Variants in ZNF611 observed in about 807,000 individuals in gnomAD.
The protein encoded by ZNF611 is zinc finger protein 611.
In ZNF611, 6 loss-of-function variants were observed where a neutral mutation model predicts 8.9. The ratio of observed to expected loss-of-function variants is 0.68; its 90% confidence interval spans 0.37 to 1.34. The LOEUF is 1.34. Among genes scored for constraint, ZNF611 ranks in the 40% most tolerant of loss-of-function variants. The pLI, the probability that ZNF611 is intolerant of heterozygous loss-of-function variation, is 0.02. For missense variants in ZNF611, 874 were observed against 841.3 expected (o/e 1.04, Z -0.48); for synonymous variants, 262 against 279.7 (o/e 0.94, Z 0.63).
intron 4 of ZNF611, among the ~76,000 whole-genome samples, chr19:52,714,351 G>A (rs376405526): frequency 3.9e-5 from 6 of 152,038 alleles, no homozygotes; most frequent in East Asian, 1.9e-4. Context: ...AGTCACTACG[G>A]AAATCTCGAT....
chr19:52,713,051 T>G (rs1339329990), intron 5 of ZNF611, among the ~76,000 whole-genome samples: 1 of 151,842 alleles, frequency 6.6e-6, no homozygotes, highest in Non-Finnish European at 1.5e-5. Flanking sequence ...CAAAAATTAG[T>G]CGGGTGTGGT....
chr19:52,704,968 T>C lies in ZNF611; in HGVS notation c.2087A>G (p.His696Arg), dbSNP rs756574217. The C allele has an allele frequency of 5.0e-6, 8 of 1,614,184 alleles. No individual in the cohort carries two copies. Among genetic ancestry groups the C allele is most frequent in the Admixed American group, 1.7e-5 (1 of 60,022 alleles). The stretch of plus-strand genomic sequence containing the variant: ...TTTCTCTCCAGTATGAATTCTATGA[T>C]GACGTGAAAGGTGTGATTGTTGATT... The part of the protein sequence containing the change: ...AFNQQSHLSR[H>R]HRIHTGEKP Residue 696 changes from histidine to arginine, a missense_variant, in exon 6 of 6, where the codon CAT (histidine) becomes CGT (arginine). His to Arg is a conservative substitution (Grantham distance 29). Coordinates refer to ENST00000652185, the MANE Select transcript of ZNF611 (RefSeq NM_001161499.2).
In ZNF611 at chr19:52,712,495, C is replaced by T. The variant is rs150195124; in HGVS notation, c.190+1520G>A. 3.9e-4 allele frequency among the ~76,000 whole-genome samples: 54 copies of T among 139,814 alleles called. No individual in the cohort carries two copies. In the East Asian group the frequency reaches 8.0e-3, roughly 21 times the overall value. 91.7% of individuals were successfully genotyped at this position (139,814 alleles called of 152,430 possible). A position where few individuals can be genotyped will look rare whatever the true frequency, so the allele number is the denominator to read the frequency against. ...AAAAAAAAAAAAAAAAAACATTGGC[C>T]GGGCATGGTGATGCACATCTATGAC... is the stretch of plus-strand genomic sequence containing the variant. On this transcript the variant is annotated intron_variant, in intron 5 of 5. Transcript: ENST00000652185.
At position 52,704,593 on chromosome 19, in the gene ZNF611, T is replaced by G; in HGVS notation, c.*344A>C. The G allele has an allele frequency of 6.4e-7, 1 of 1,570,264 alleles. No homozygotes were observed. The highest frequency in any genetic ancestry group is 8.7e-7 in the Non-Finnish European group (1 of 1,143,354). On this transcript the variant is annotated 3_prime_UTR_variant, in exon 6 of 6. Transcript: ENST00000652185. ...ACGATCTCTGAAAAATTTGCCACAT[T>G]TATTACACTTGTAAGATCTCTCTTC...
chr19:52,713,904 C>A, intron 5 of ZNF611, 111 bp downstream of exon 5: 1 of 1,558,462 alleles, frequency 6.4e-7, no homozygotes, highest in Non-Finnish European at 8.6e-7. Context: ...AAACAAAAAA[C>A]AAAAAACAAA....
intron 5 of ZNF611, 37 bp downstream of exon 5, chr19:52,713,978 A>G (rs1314468797): frequency 1.2e-6 from 2 of 1,612,394 alleles, no homozygotes; most frequent in Admixed American, 1.7e-5. Context: ...GATAGACAAG[A>G]GCAGACTCCT....
intron 1 of ZNF611, among the ~76,000 whole-genome samples, chr19:52,734,621 G>C (rs969066408): frequency 1.3e-5 from 2 of 152,022 alleles, no homozygotes; most frequent in African/African-American, 4.8e-5. Context: ...GCCTCCCCGG[G>C]ACTGGGGCTG....
At position 52,714,131 on chromosome 19, in the gene ZNF611, G is replaced by C. The variant is rs2062299255; in HGVS notation, c.74C>G (p.Thr25Ser). Residue 25 changes from threonine to serine, a missense_variant, in exon 5 of 6, where the codon ACT (threonine) becomes AGT (serine). Transcript: ENST00000652185. ...PGMALPQGRL[T>S]FRDVAIEFSL... is the part of the protein sequence containing the mutation. ...GAATTCTATAGCCACATCCCGGAAAGTCAAGCGTCCCTAAAATGAAACACA... is the reference window on the plus strand; with the variant it reads ...GAATTCTATAGCCACATCCCGGAAACTCAAGCGTCCCTAAAATGAAACACA... 1.2e-6 allele frequency: 2 copies of C among 1,613,302 alleles called. No individual in the cohort carries two copies. Among genetic ancestry groups the C allele is most frequent in the African/African-American group, 2.7e-5 (2 of 74,972 alleles).
intron 5 of ZNF611, among the ~76,000 whole-genome samples, chr19:52,713,601 A>C (rs545367603): frequency 8.4e-4 from 127 of 151,984 alleles, no homozygotes; most frequent in Non-Finnish European, 1.2e-3. Flanking sequence ...CTCCTCAAAA[A>C]CCAGAATGAG....
At chr19:52,710,743 C>T (rs937432587) in intron 5 of ZNF611, among the ~76,000 whole-genome samples, 1 of 152,086 alleles carries the variant, frequency 6.6e-6, no homozygotes, top group Non-Finnish European at 1.5e-5. Context: ...TTACTGAGGG[C>T]TGACAAATAT....
intron 3 of ZNF611, chr19:52,723,332 C>A (rs1300297416): frequency 1.3e-5 from 2 of 148,214 alleles, no homozygotes; most frequent in African/African-American, 2.5e-5. Flanking sequence ...TCTTGGCTCA[C>A]TGCAACCTCC....
intron 1 of ZNF611, among the ~76,000 whole-genome samples, chr19:52,733,489 G>A (rs928436836): frequency 1.3e-5 from 2 of 151,948 alleles, no homozygotes; most frequent in African/African-American, 4.8e-5. Context: ...TTTGGCGGGG[G>A]GGAGGTCTCA....
chr19:52,706,400 G>A lies in ZNF611; in HGVS notation c.655C>T (p.Pro219Ser). The change falls in exon 6 of 6, where the codon CCA becomes TCA. Residue 219 changes from proline to serine, a missense_variant. Pro to Ser is a moderately conservative substitution (Grantham distance 74). Transcript: ENST00000652185. ...CTCATGTGTACTTCCTGTTTTTGTG[G>A]GAGTAATGAAGAATTCAGGGGATTA... ...GNNPLNSSLLPQKQEVHMREK... is the reference protein window; with the variant it reads ...GNNPLNSSLLSQKQEVHMREK... The A allele has an allele frequency of 1.2e-6, 2 of 1,614,164 alleles. No individual in the cohort carries two copies. The highest frequency in any genetic ancestry group is 1.7e-6 in the Non-Finnish European group (2 of 1,180,032).
rs753724927 is a variant in ZNF611 at position 52,715,902 on chromosome 19, T to C, written c.-8A>G. 5.0e-6 allele frequency: 8 copies of C among 1,613,376 alleles called. No homozygotes were observed. The highest frequency in any genetic ancestry group is 3.3e-5 in the South Asian group (3 of 91,080). On this transcript the variant is annotated 5_prime_UTR_variant, in exon 4 of 6. Transcript: ENST00000652185. ...TGCTTCCTCACGTAACATGAGTCTT[T>C]AGGAATCAATCCTGTATGTGAAAAA...
intron 5 of ZNF611, among the ~76,000 whole-genome samples, chr19:52,711,590 A>G (rs2062280346): frequency 6.6e-6 from 1 of 152,228 alleles, no homozygotes. Context: ...GAAGTACATC[A>G]AGGGGGATAC....
At chr19:52,730,417 A>AAC (rs1568610602) in intron 1 of ZNF611, among the ~76,000 whole-genome samples, 15 of 128,918 alleles carry the variant, frequency 1.2e-4, no homozygotes, top group South Asian at 7.5e-4. Context: ...AAAAAAAAAA[A>AAC]AAAAAAACAT....
intron 5 of ZNF611, among the ~76,000 whole-genome samples, chr19:52,712,292 C>G (rs534454939): frequency 1.3e-5 from 2 of 151,606 alleles, no homozygotes; most frequent in African/African-American, 4.9e-5. Context: ...GAACAAGGAT[C>G]CCCTGGCTGA....
chr19:52,730,055 C>T (rs1311512954), intron 1 of ZNF611, 50 bp from the exon 2 acceptor site: 1 of 152,048 alleles, frequency 6.6e-6, no homozygotes. Flanking sequence ...CAACTGAGAT[C>T]ACAGAAAACA....
At chr19:52,725,550 G>A (rs2062386235) in intron 3 of ZNF611, among the ~76,000 whole-genome samples, 1 of 152,114 alleles carries the variant, frequency 6.6e-6, no homozygotes, top group Non-Finnish European at 1.5e-5. Context: ...GCCTCCAAGC[G>A]ACTTCAAACC....
Sources: gnomAD v4.1 joint callset for allele counts (sites outside exome capture counted in the v4.1 genomes callset) on GRCh38, gnomAD v4.1.1 for gene constraint, MANE v1.5 for transcripts, NCBI Gene and HGNC (gene_info 2026-07-23, HGNC 2026-07-21) for gene names.